PTPRD: variants seen among roughly 807,000 people sequenced by gnomAD.
PTPRD encodes the protein receptor-type tyrosine-protein phosphatase delta.
A neutral mutation model predicts 214.5 loss-of-function variants in PTPRD; 34 were observed. The ratio of observed to expected loss-of-function variants is 0.16; its 90% CI spans 0.12 to 0.21. PTPRD has a LOEUF of 0.21. Ranked by LOEUF, PTPRD falls within the 10% of genes least tolerant of loss-of-function variation. PTPRD has a pLI of 1.00. For synonymous variants in PTPRD, 1,128 were observed against 845.7 expected (o/e 1.33, Z -5.79); for missense variants, 2,545 against 2,398.7 (o/e 1.06, Z -1.27).
At chr9:9,616,441 C>T (rs1008453345) in intron 7 of PTPRD, among the ~76,000 whole-genome samples, 156 of 151,908 alleles carry the variant, frequency 1.0e-3, no homozygotes, top group African/African-American at 3.6e-3. Flanking sequence ...ATCTAGGATA[C>T]GACCCCACTT....
At chr9:10,291,447 C>T (rs140574366) in intron 3 of PTPRD, among the ~76,000 whole-genome samples, 21 of 152,062 alleles carry the variant, frequency 1.4e-4, no homozygotes, top group Admixed American at 1.2e-3. Flanking sequence ...GGAAGATGAG[C>T]GGAGATTATT....
intron 10 of PTPRD, among the ~76,000 whole-genome samples, chr9:9,080,154 C>T (rs2099756992): frequency 6.6e-6 from 1 of 151,984 alleles, no homozygotes; most frequent in Admixed American, 6.6e-5. Context: ...ACTCATTTCT[C>T]AATTTACATC....
intron 5 of PTPRD, among the ~76,000 whole-genome samples, chr9:9,869,178 G>A (rs187744138): frequency 8.5e-5 from 13 of 152,206 alleles, no homozygotes; most frequent in Non-Finnish European, 1.5e-5. Flanking sequence ...AATCAATCAA[G>A]CATTATCTTG....
At chr9:9,638,587 C>A (rs1275164333) in intron 7 of PTPRD, among the ~76,000 whole-genome samples, 1 of 152,172 alleles carries the variant, frequency 6.6e-6, no homozygotes, top group Non-Finnish European at 1.5e-5. Context: ...CCCTAATGCT[C>A]CATTCATAGC....
intron 9 of PTPRD, among the ~76,000 whole-genome samples, chr9:9,325,564 G>T (rs1041578816): frequency 6.6e-6 from 1 of 152,140 alleles, no homozygotes. Context: ...CTTTGCTGAA[G>T]TTGCCTATCA....
chr9:9,901,543 C>A (rs969297666), intron 5 of PTPRD, among the ~76,000 whole-genome samples: 3 of 151,486 alleles, frequency 2.0e-5, no homozygotes, highest in Admixed American at 6.6e-5. Flanking sequence ...AAATATATAA[C>A]CAAAGTTTAA....
At chr9:8,337,312 C>A (rs1310496540) in intron 43 of PTPRD, among the ~76,000 whole-genome samples, 1 of 152,024 alleles carries the variant, frequency 6.6e-6, no homozygotes, top group African/African-American at 2.4e-5. Flanking sequence ...TTTGCAGGGA[C>A]ATGGATGAAG....
rs567039190 is a variant in PTPRD, at chr9:10,464,995, C to A, written c.-599-123978G>T. On this transcript the variant is annotated intron_variant, in intron 2 of 45. Transcript: ENST00000381196. Reference sequence around the variant, plus strand: ...TAACAAACAAGGCTATGAATCACAACCAATATTGCTCAACATTATAGGGAA... The same window carrying A: ...TAACAAACAAGGCTATGAATCACAAACAATATTGCTCAACATTATAGGGAA... 4.2e-4 allele frequency among the ~76,000 whole-genome samples: 64 copies of A among 152,170 alleles called. 1 individual carries two copies. The highest frequency in any genetic ancestry group is 7.6e-4 in the Non-Finnish European group (52 of 67,986).
At chr9:8,497,046 T>C (rs2097291196) in intron 26 of PTPRD, among the ~76,000 whole-genome samples, 196 bp downstream of exon 26, 1 of 152,130 alleles carries the variant, frequency 6.6e-6, no homozygotes, top group Non-Finnish European at 1.5e-5. Context: ...TCTTACGCAG[T>C]CAATAGCACC....
intron 5 of PTPRD, among the ~76,000 whole-genome samples, chr9:9,842,133 T>C (rs1234051729): frequency 6.6e-6 from 1 of 151,882 alleles, no homozygotes; most frequent in Non-Finnish European, 1.5e-5. Context: ...AAATCATGAG[T>C]GAAAACTAAG....
intron 32 of PTPRD, among the ~76,000 whole-genome samples, chr9:8,461,985 C>T (rs1041998620): frequency 1.3e-5 from 2 of 151,816 alleles, no homozygotes; most frequent in Non-Finnish European, 2.9e-5. Flanking sequence ...TCTCTACTAG[C>T]ATCTCTTGTC....
chr9:10,474,106 T>C (rs930506385), intron 2 of PTPRD, among the ~76,000 whole-genome samples: 6 of 152,052 alleles, frequency 3.9e-5, no homozygotes, highest in African/African-American at 1.2e-4. Context: ...GCTAGCATCA[T>C]CACGACAGGA....
At chr9:10,293,255 AG>A (rs2095580082) in intron 3 of PTPRD, among the ~76,000 whole-genome samples, 1 of 151,934 alleles carries the variant, frequency 6.6e-6, no homozygotes, top group Admixed American at 6.6e-5. Flanking sequence ...AAAGAGGTAT[AG>A]AAAAAAAATT....
intron 2 of PTPRD, among the ~76,000 whole-genome samples, chr9:10,488,030 G>A (rs564392369): frequency 8.2e-4 from 116 of 141,182 alleles, no homozygotes; most frequent in South Asian, 2.0e-3. Flanking sequence ...CTGGAGCTGG[G>A]GGGTGGTGTG....
At chr9:8,383,662 G>T (rs1037164316) in intron 37 of PTPRD, among the ~76,000 whole-genome samples, 1 of 152,180 alleles carries the variant, frequency 6.6e-6, no homozygotes, top group East Asian at 1.9e-4. Flanking sequence ...ACTACTAATT[G>T]GCACAGCCCA....
chr9:9,019,510 G>T (rs540967380), intron 10 of PTPRD, among the ~76,000 whole-genome samples: 12 of 152,194 alleles, frequency 7.9e-5, no homozygotes, highest in African/African-American at 2.9e-4. Context: ...TTCAACACCA[G>T]CCTGGCCAAC....
intron 14 of PTPRD, among the ~76,000 whole-genome samples, chr9:8,554,393 G>T (rs1454295454): frequency 6.6e-6 from 1 of 152,086 alleles, no homozygotes; most frequent in Non-Finnish European, 1.5e-5. Flanking sequence ...TTTAAATATG[G>T]GAAAGTAAAA....
chr9:10,011,740 T>G (rs1353125172), intron 4 of PTPRD, among the ~76,000 whole-genome samples: 1 of 152,020 alleles, frequency 6.6e-6, no homozygotes, highest in Non-Finnish European at 1.5e-5. Flanking sequence ...TTGAGAAGAA[T>G]TTCAGAGTCA....
chr9:8,991,249 G>C (rs1271742626), intron 11 of PTPRD, among the ~76,000 whole-genome samples: 1 of 150,160 alleles, frequency 6.7e-6, no homozygotes, highest in Non-Finnish European at 1.5e-5. Flanking sequence ...TTGGTTGATA[G>C]TTTTCCCTGG....
Sources: allele counts gnomAD v4.1 joint callset (sites outside exome capture counted in the v4.1 genomes callset), GRCh38; gene constraint gnomAD v4.1.1; transcripts MANE v1.5; gene names NCBI Gene and HGNC (gene_info 2026-07-23, HGNC 2026-07-21).